CASS4: variants seen among roughly 807,000 people sequenced by gnomAD.
The protein encoded by CASS4 is Cas scaffold protein family member 4, also known as cas scaffolding protein family member 4.
A neutral mutation model predicts 54.2 loss-of-function variants in CASS4; 22 were observed. The ratio of observed to expected loss-of-function variants is 0.41; its 90% CI spans 0.29 to 0.58. The LOEUF (loss-of-function observed/expected upper bound fraction) is 0.58, where lower values mean the gene tolerates loss of function less well. Among genes scored for constraint, CASS4 ranks in the 20% least tolerant of loss-of-function variants. The probability of loss-of-function intolerance (pLI) is 0.36; values close to 1 mark genes in which losing one functional copy is unlikely to be tolerated. For synonymous variants in CASS4, 409 were observed against 391.5 expected, an observed-to-expected ratio of 1.04 and a Z score of -0.53; for missense variants, 854 against 986.7, an observed-to-expected ratio of 0.87 and a Z score of 1.80.
intron 1 of CASS4, among the ~76,000 whole-genome samples, chr20:56,423,701 T>C (rs938984854): frequency 1.3e-5 from 2 of 152,058 alleles, no homozygotes; most frequent in African/African-American, 4.8e-5. Context: ...TGCACCACCA[T>C]GCCCGGCTAA....
intron 1 of CASS4, among the ~76,000 whole-genome samples, chr20:56,417,393 C>T (rs2146261890): frequency 6.6e-6 from 1 of 152,332 alleles, no homozygotes; most frequent in South Asian, 2.1e-4. Context: ...CTCTCTCTAG[C>T]AAGCATCGCC....
chr20:56,445,896 C>T lies in CASS4; in HGVS notation c.460-4C>T, dbSNP rs999577313. On this transcript the variant is annotated splice_region_variant and splice_polypyrimidine_tract_variant and intron_variant, in intron 2 of 5. Coordinates refer to ENST00000679887, the MANE Select transcript of CASS4 (RefSeq NM_020356.4). ...TTCCTCTTTTCTCCTCCTTTCTCTC[C>T]AAGGCCATCCTCACGCTTCCCAGAC... 6.2e-7 allele frequency: 1 copy of T among 1,609,630 alleles called. No individual in the cohort carries two copies. Among genetic ancestry groups the T allele is most frequent in the African/African-American group, 1.3e-5 (1 of 74,822 alleles).
At chr20:56,451,732 G>A (rs183890056) in intron 4 of CASS4, 87 bp from the exon 5 acceptor site, 77 of 938,974 alleles carry the variant, frequency 8.2e-5, no homozygotes, top group Admixed American at 6.0e-4. Context: ...CTGAAGGAGC[G>A]GCGGAGTGAC....
chr20:56,445,488 G>T (rs1284123740), intron 2 of CASS4, among the ~76,000 whole-genome samples: 1 of 152,228 alleles, frequency 6.6e-6, no homozygotes, highest in African/African-American at 2.4e-5. Context: ...CTAGATGAAT[G>T]TAGACGAATA....
At chr20:56,447,694 G>A (rs1174498373) in intron 3 of CASS4, among the ~76,000 whole-genome samples, 2 of 152,162 alleles carry the variant, frequency 1.3e-5, no homozygotes, top group Admixed American at 1.3e-4. Context: ...GGGCAGGCAG[G>A]TCATTTCCAG....
At chr20:56,451,461 G>C (rs540952642) in intron 4 of CASS4, among the ~76,000 whole-genome samples, 1 of 152,124 alleles carries the variant, frequency 6.6e-6, no homozygotes, top group Non-Finnish European at 1.5e-5. Context: ...ATTTCGCCGT[G>C]TCAGGGGGAT....
At chr20:56,443,362 G>A (rs1039002514) in intron 2 of CASS4, among the ~76,000 whole-genome samples, 2 of 150,660 alleles carry the variant, frequency 1.3e-5, no homozygotes, top group African/African-American at 2.5e-5. Context: ...CCAGCTACTC[G>A]GGAGGCTGAG....
chr20:56,444,375 G>T (rs1413327612), intron 2 of CASS4, among the ~76,000 whole-genome samples: 1 of 152,130 alleles, frequency 6.6e-6, no homozygotes, highest in Non-Finnish European at 1.5e-5. Flanking sequence ...GGACGCCAGT[G>T]GGAAGTACAC....
At chr20:56,426,602 G>A (rs559084927) in intron 1 of CASS4, among the ~76,000 whole-genome samples, 5 of 151,638 alleles carry the variant, frequency 3.3e-5, no homozygotes, top group Non-Finnish European at 7.4e-5. Flanking sequence ...CCAAGACAAG[G>A]TCTCACTCTG....
At chr20:56,447,091 C>T (rs948439936) in intron 3 of CASS4, among the ~76,000 whole-genome samples, 8 of 151,754 alleles carry the variant, frequency 5.3e-5, no homozygotes, top group Admixed American at 3.3e-4. Context: ...GCCTGTAGTC[C>T]CAGCTACTAG....
chr20:56,436,221 A>G (rs1980152076), intron 1 of CASS4, among the ~76,000 whole-genome samples: 1 of 152,074 alleles, frequency 6.6e-6, no homozygotes. Flanking sequence ...GCAATCTAAT[A>G]GTAATAACAG....
At chr20:56,457,073 T>C (rs540891245) in intron 5 of CASS4, among the ~76,000 whole-genome samples, 5 of 152,314 alleles carry the variant, frequency 3.3e-5, no homozygotes, top group Admixed American at 1.3e-4. Context: ...AAGACAATCA[T>C]TGTTTTCATT....
intron 1 of CASS4, among the ~76,000 whole-genome samples, chr20:56,419,651 G>A (rs975630562): frequency 6.6e-6 from 1 of 151,750 alleles, no homozygotes; most frequent in African/African-American, 2.4e-5. Context: ...GGCTGGTCTC[G>A]AACTCCTGTT....
intron 4 of CASS4, 109 bp downstream of exon 4, chr20:56,450,788 C>T: frequency 2.0e-6 from 2 of 982,000 alleles, no homozygotes; most frequent in African/African-American, 1.6e-5. Flanking sequence ...AATCCCAGCA[C>T]TTTGAGAGGC....
intron 2 of CASS4, among the ~76,000 whole-genome samples, chr20:56,440,820 G>T (rs985208518): frequency 3.3e-5 from 5 of 152,070 alleles, no homozygotes; most frequent in Non-Finnish European, 7.4e-5. Flanking sequence ...GGAAATTCAG[G>T]GGGGGTCCCT....
intron 5 of CASS4, among the ~76,000 whole-genome samples, chr20:56,457,929 T>A (rs1981374665): frequency 6.6e-6 from 1 of 150,682 alleles, no homozygotes; most frequent in Admixed American, 6.6e-5. Flanking sequence ...GCAAGAGAAT[T>A]GCTTGAACCC....
chr20:56,416,299 C>G (rs1979133567), intron 1 of CASS4, among the ~76,000 whole-genome samples: 1 of 152,220 alleles, frequency 6.6e-6, no homozygotes, highest in African/African-American at 2.4e-5. Context: ...ATCTGCCTGT[C>G]TCAGCCTCCC....
intron 3 of CASS4, 65 bp downstream of exon 3, chr20:56,446,066 A>C: frequency 1.8e-6 from 2 of 1,082,308 alleles, no homozygotes; most frequent in Non-Finnish European, 2.8e-6. Flanking sequence ...GGTTCTTGGG[A>C]TCATGCCCAC....
At chr20:56,443,476 A>AAAAAAAAAAAAAAAAAC in intron 2 of CASS4, among the ~76,000 whole-genome samples, 1 of 151,220 alleles carries the variant, frequency 6.6e-6, no homozygotes, top group Non-Finnish European at 1.5e-5. Context: ...CTCCAAAAAA[A>AAAAAAAAAAAAAAAAAC]AAAAGAAGCT....
Sources: gnomAD v4.1 joint callset for allele counts (sites outside exome capture counted in the v4.1 genomes callset) on GRCh38, gnomAD v4.1.1 for gene constraint, MANE v1.5 for transcripts, NCBI Gene and HGNC (gene_info 2026-07-23, HGNC 2026-07-21) for gene names.